Variants in RNF126 observed in about 807,000 individuals in gnomAD.
RNF126 encodes the protein ring finger protein 126.
RNF126 carries 20 observed loss-of-function variants against 41.9 expected under a neutral mutation model. The observed-to-expected ratio is 0.48, with a 90% CI of 0.34 to 0.69. RNF126 has a LOEUF of 0.69. Among genes scored for constraint, RNF126 ranks in the 30% least tolerant of loss-of-function variants. RNF126 has a pLI of 0.01. For missense variants in RNF126, 433 were observed against 460.6 expected (o/e 0.94, Z 0.55); for synonymous variants, 239 against 202.9 (o/e 1.18, Z -1.51).
rs760219940 is a variant in RNF126 at position 651,814 on chromosome 19, T to TC, written c.239dup (p.Gln81ThrfsTer9). 6.2e-7 allele frequency: 1 copy of TC among 1,612,250 alleles called. No individual in the cohort carries two copies. The highest frequency in any genetic ancestry group is 8.5e-7 in the Non-Finnish European group (1 of 1,179,722). On this transcript the variant is annotated frameshift_variant, in exon 4 of 9. Coordinates refer to ENST00000292363, the MANE Select transcript of RNF126 (RefSeq NM_194460.3). LOFTEE classifies it high-confidence loss of function. ...CATCGAAGATGCCGAAAGCAAACTGTCCGTAGCCCTGCGGCAGCGTGAACA... is the reference window on the plus strand; with the variant it reads ...CATCGAAGATGCCGAAAGCAAACTGTCCCGTAGCCCTGCGGCAGCGTGAACA...
At chr19:649,649 CAGGCACTCT>C (rs2030174222) in intron 6 of RNF126, 21 bp downstream of exon 6, 10 of 1,540,012 alleles carry the variant, frequency 6.5e-6, no homozygotes, top group Non-Finnish European at 8.8e-6. Context: ...CCTCCCCCAG[CAGGCACTCT>C]GGGCCGTGGC....
At position 659,969 on chromosome 19, in the gene RNF126, T is replaced by C. The variant is rs2030726813; in HGVS notation, c.75+3078A>G. Among the ~76,000 whole-genome samples, 1 of 152,310 alleles carries C rather than the reference T, an allele frequency of 6.6e-6. No individual in the cohort carries two copies. Among genetic ancestry groups the C allele is most frequent in the Admixed American group, 6.5e-5 (1 of 15,298 alleles). ...TAGTAGGGATGGGGTTTTACCATGT[T>C]AGCCAGGCTGGTCTCGAACTCCTGA... On this transcript the variant is annotated intron_variant, in intron 1 of 8. Transcript: ENST00000292363. This position sits in a 1 kb window ranked among gnomAD's most constrained non-coding sequence, Gnocchi z 4.9.
At chr19:651,235 G>T (rs2030264240) in intron 4 of RNF126, 1 of 173,174 alleles carries the variant, frequency 5.8e-6, no homozygotes, top group Admixed American at 6.4e-5. Context: ...CAGGAGTGGG[G>T]CCCTGCGACG....
rs146299332 is a variant in RNF126 at position 651,744 on chromosome 19, C to T, written c.310G>A (p.Asp104Asn). Reference protein sequence around the residue: ...PTFPPGAQADDGRDPESRRER... With the variant: ...PTFPPGAQADNGRDPESRRER... ...CGCCGGCTCTCAGGGTCCCTGCCGT[C>T]GTCAGCCTGCGCCCCAGGAGGGAAC... Residue 104 changes from aspartate (D) to asparagine (N), a missense_variant, in exon 4 of 9, where the codon GAC becomes AAC. By Grantham distance (23) the Asp-to-Asn change is conservative (BLOSUM62 1). This residue lies in a region of RNF126 where 247 missense variants were observed against 224.7 expected (regional missense o/e 1.10). Transcript: ENST00000292363. 321 of 1,612,438 alleles carry T rather than the reference C, an allele frequency of 2.0e-4. No homozygotes were observed. The highest frequency in any genetic ancestry group is 2.3e-4 in the Non-Finnish European group (273 of 1,179,770).
Position 659,484 on chromosome 19 carries a change from C to A in RNF126, c.75+3563G>T, listed in dbSNP as rs540934945. Among the ~76,000 whole-genome samples the A allele has an allele frequency of 4.6e-5, 7 of 152,138 alleles. No individual in the cohort carries two copies. Among genetic ancestry groups the A allele is most frequent in the Non-Finnish European group, 2.9e-5 (2 of 68,002 alleles). ...GGTCGGCAGGCAGAGCTGGAACCACCCTAGGAACCACCCAGAGACGGGGAG... is the reference window on the plus strand; with the variant it reads ...GGTCGGCAGGCAGAGCTGGAACCACACTAGGAACCACCCAGAGACGGGGAG... On this transcript the variant is annotated intron_variant, in intron 1 of 8. Coordinates refer to ENST00000292363, the MANE Select transcript of RNF126 (RefSeq NM_194460.3). The surrounding 1 kb of genome is among the most constrained non-coding windows in gnomAD (Gnocchi z 4.9).
Position 663,122 on chromosome 19 carries a change from G to A in RNF126, c.-1C>T. 7.8e-7 allele frequency: 1 copy of A among 1,290,044 alleles called. No homozygotes were observed. The highest frequency in any genetic ancestry group is 9.9e-7 in the Non-Finnish European group (1 of 1,012,824). The allele number at this position is 1,290,044 out of a possible 1,614,324, so 79.9% of individuals were successfully genotyped here. ...CGGGATGCGGCGACGCCTCGGCCAT[G>A]GCCGCCGCCACCTACTCCGCGCCGC... is the stretch of plus-strand genomic sequence containing the variant. On this transcript the variant is annotated 5_prime_UTR_variant, in exon 1 of 9. Transcript: ENST00000292363.
intron 4 of RNF126, 52 bp downstream of exon 4, chr19:651,559 C>T: frequency 7.3e-7 from 1 of 1,378,970 alleles, no homozygotes; most frequent in East Asian, 2.9e-5. Flanking sequence ...AGCGCCAGAA[C>T]TTCCGACCTC....
intron 1 of RNF126, among the ~76,000 whole-genome samples, chr19:660,689 G>A (rs977241959): frequency 5.9e-5 from 9 of 152,208 alleles, no homozygotes; most frequent in East Asian, 1.9e-4. Flanking sequence ...GAGTGCACTG[G>A]CACCATCACG....
rs1230887563 is a variant in RNF126 at position 648,443 on chromosome 19, C to T, written c.715G>A (p.Gly239Ser). The T allele has an allele frequency of 1.9e-6, 3 of 1,591,238 alleles. No homozygotes were observed. In the Admixed American group the frequency reaches 5.1e-5, roughly 27 times the overall value. The change falls in exon 8 of 9, where the codon GGT becomes AGT. Residue 239 changes from glycine (G) to serine (S), a missense_variant. Gly to Ser is a moderately conservative substitution (Grantham distance 56). Transcript: ENST00000292363. ...CPVCKDDYAL[G>S]ERVRQLPCNH... The stretch of plus-strand genomic sequence containing the variant: ...CAGGGCAGCTGCCGCACACGCTCAC[C>T]CAGCGCGTAGTCGTCCTTGCACACA...
chr19:648,142 T>C lies in RNF126; in HGVS notation c.922A>G (p.Thr308Ala), dbSNP rs1391849051. Residue 308 changes from threonine to alanine, a missense_variant, in exon 9 of 9, where the codon ACA (threonine) becomes GCA (alanine). Thr to Ala is a moderately conservative substitution (Grantham distance 58, BLOSUM62 0). Coordinates refer to ENST00000292363, the MANE Select transcript of RNF126 (RefSeq NM_194460.3). The part of the protein sequence containing the change: ...SSSSPSNENA[T>A]SNS ...CCGACGTGGGCTCACGAGTTGCTTG[T>C]GGCGTTCTCGTTGCTGGGCGAGCTG... 6.3e-7 allele frequency: 1 copy of C among 1,594,214 alleles called. No individual in the cohort carries two copies. Among genetic ancestry groups the C allele is most frequent in the South Asian group, 1.1e-5 (1 of 88,596 alleles).
At chr19:660,089 A>ACTG (rs1229555358) in intron 1 of RNF126, among the ~76,000 whole-genome samples, 1 of 152,206 alleles carries the variant, frequency 6.6e-6, no homozygotes, top group Admixed American at 6.5e-5. Context: ...CATGGGGGCA[A>ACTG]CTGCTGCCCC....
intron 1 of RNF126, among the ~76,000 whole-genome samples, chr19:658,155 G>A (rs986922901): frequency 5.3e-5 from 8 of 152,100 alleles, no homozygotes. Flanking sequence ...CAGCTGGCCA[G>A]GCAGCCAGGG....
chr19:649,256 C>T (rs950995958), intron 6 of RNF126: 44 of 300,922 alleles, frequency 1.5e-4, no homozygotes, highest in African/African-American at 8.8e-4. Context: ...GCCCTGACGG[C>T]GGAATGGGGG....
chr19:660,171 G>C (rs2144777232), intron 1 of RNF126, among the ~76,000 whole-genome samples: 1 of 152,376 alleles, frequency 6.6e-6, no homozygotes, highest in African/African-American at 2.4e-5. Context: ...GAGTCACCAG[G>C]AGAGCGGCCA....
intron 4 of RNF126, 117 bp from the exon 5 acceptor site, chr19:650,413 C>T: frequency 1.2e-6 from 1 of 810,634 alleles, no homozygotes; most frequent in Non-Finnish European, 2.0e-6. Context: ...TCTAGATTAG[C>T]TTCTATTTAT....
Position 662,523 on chromosome 19 carries a change from G to A in RNF126, c.75+524C>T, listed in dbSNP as rs549588981. ...GGGCCTGCCTCCAAGGCGGCGGCCA[G>A]GGCTCCACGAGGCGAGCCTGCAGCG... On this transcript the variant is annotated intron_variant, in intron 1 of 8. Coordinates refer to ENST00000292363, the MANE Select transcript of RNF126 (RefSeq NM_194460.3). 7.6e-3 allele frequency among the ~76,000 whole-genome samples: 1,151 copies of A among 152,248 alleles called. 52 individuals carry two copies. The highest frequency in any genetic ancestry group is 0.066 in the Admixed American group (1,010 of 15,306).
At chr19:662,479 C>T (rs1056935110) in intron 1 of RNF126, among the ~76,000 whole-genome samples, 3 of 152,278 alleles carry the variant, frequency 2.0e-5, no homozygotes, top group Non-Finnish European at 4.4e-5. Flanking sequence ...CGGGACAGTG[C>T]CTGGGGCGTT....
intron 1 of RNF126, among the ~76,000 whole-genome samples, chr19:653,421 G>A (rs578111986): frequency 9.0e-4 from 137 of 152,336 alleles, no homozygotes; most frequent in Non-Finnish European, 1.3e-3. Flanking sequence ...CAGAGGAGAC[G>A]TGAGGACCCT....
In RNF126 at chr19:662,993, G is replaced by C. The variant is rs1227897261; in HGVS notation, c.75+54C>G. ...CGACCCCCACCCCGGCCCCGGCCTT[G>C]CCTCAGGCCTGCGGCGCAGACCCTG... On this transcript the variant is annotated intron_variant, in intron 1 of 8. Coordinates refer to ENST00000292363, the MANE Select transcript of RNF126 (RefSeq NM_194460.3). The C allele has an allele frequency of 8.4e-6, 8 of 956,980 alleles. No individual in the cohort carries two copies. The South Asian group carries it at 1.4e-4, about 17-fold the overall frequency. The allele number at this position is 956,980 out of a possible 1,614,324, so 59.3% of individuals were successfully genotyped here.
Sources: allele counts gnomAD v4.1 joint callset (sites outside exome capture counted in the v4.1 genomes callset), GRCh38; gene constraint gnomAD v4.1.1; regional missense constraint gnomAD v4.1.1; non-coding constraint Gnocchi (gnomAD v3.1); transcripts MANE v1.5; gene names NCBI Gene and HGNC (gene_info 2026-07-23, HGNC 2026-07-21).